Variants in UGT1A6 observed in about 807,000 individuals in gnomAD.
UGT1A6 encodes UDP glucuronosyltransferase family 1 member A6, also known as UDP-glucuronosyltransferase 1A6.
In UGT1A6, 32 loss-of-function variants were observed where a neutral mutation model predicts 44.4. That is an observed-to-expected ratio of 0.72 (90% confidence interval 0.54 to 0.97). UGT1A6 has a LOEUF of 0.97. UGT1A6 is among the 50% of genes least tolerant of loss of function. UGT1A6 has a pLI of 0.00. For missense variants in UGT1A6, 685 were observed against 661.9 expected, an observed-to-expected ratio of 1.03 and a Z score of -0.38; for synonymous variants, 238 against 248.5, an observed-to-expected ratio of 0.96 and a Z score of 0.40.
intron 1 of UGT1A6, chr2:233,760,219 C>A: frequency 6.3e-7 from 1 of 1,593,340 alleles, no homozygotes; most frequent in Non-Finnish European, 8.5e-7. Context: ...CTTGGTGTAT[C>A]GATTGGTTTT....
At chr2:233,740,833 TA>T (rs1691486291) in intron 1 of UGT1A6, 1 of 151,930 alleles carries the variant, frequency 6.6e-6, no homozygotes. Context: ...TGAGACATTT[TA>T]AAAGGAGATT....
At chr2:233,758,626 C>T (rs1184924928) in intron 1 of UGT1A6, among the ~76,000 whole-genome samples, 3 of 152,058 alleles carry the variant, frequency 2.0e-5, no homozygotes, top group Admixed American at 6.5e-5. Flanking sequence ...ATGCAAAGTA[C>T]CTACTCTAAG....
chr2:233,698,051 C>G (rs902797385), intron 1 of UGT1A6, among the ~76,000 whole-genome samples: 1 of 152,112 alleles, frequency 6.6e-6, no homozygotes, highest in Non-Finnish European at 1.5e-5. Context: ...AAGTTGTACT[C>G]AGTTATATTG....
chr2:233,738,483 T>C (rs1690800032), intron 1 of UGT1A6, among the ~76,000 whole-genome samples: 1 of 152,200 alleles, frequency 6.6e-6, no homozygotes, highest in African/African-American at 2.4e-5. Flanking sequence ...CCTGGAGACT[T>C]GTTGAACGGT....
rs374013247 is a variant in UGT1A6, at chr2:233,693,245, C to T, written c.241C>T (p.Pro81Ser). ...KYYTRKIYPV[P>S]YDQEELKNRY... ...CTACACAAGAAAAATCTATCCAGTG[C>T]CGTATGACCAAGAAGAGCTGAAGAA... The change falls in exon 1 of 5, where the codon CCG becomes TCG. Residue 81 changes from proline (P) to serine (S), a missense_variant. Coordinates refer to ENST00000305139, the MANE Select transcript of UGT1A6 (RefSeq NM_001072.4). 49 of 1,613,952 alleles carry T rather than the reference C, an allele frequency of 3.0e-5. 1 individual carries two copies. The highest frequency in any genetic ancestry group is 3.6e-5 in the Non-Finnish European group (42 of 1,180,016).
chr2:233,694,413 T>A (rs1229382859), intron 1 of UGT1A6, among the ~76,000 whole-genome samples: 1 of 152,034 alleles, frequency 6.6e-6, no homozygotes, highest in Non-Finnish European at 1.5e-5. Flanking sequence ...GCCACAGAAG[T>A]ATTTGGTCTG....
chr2:233,747,280 C>A, intron 1 of UGT1A6: 3 of 1,599,268 alleles, frequency 1.9e-6, no homozygotes, highest in Non-Finnish European at 2.6e-6. Flanking sequence ...TCTCAGTGCC[C>A]AGCCCTGGGC....
intron 1 of UGT1A6, chr2:233,743,914 C>G (rs201448352): frequency 1.5e-6 from 2 of 1,364,518 alleles, no homozygotes; most frequent in Non-Finnish European, 2.0e-6. Context: ...AGTAGTCCAC[C>G]ATGCTGGATG....
intron 1 of UGT1A6, among the ~76,000 whole-genome samples, chr2:233,731,443 A>T (rs1454416898): frequency 6.6e-6 from 1 of 151,114 alleles, no homozygotes; most frequent in Non-Finnish European, 1.5e-5. Context: ...CCAGTCCCCC[A>T]CCCCACAACA....
chr2:233,760,217 A>G, intron 1 of UGT1A6: 3 of 1,593,674 alleles, frequency 1.9e-6, no homozygotes, highest in Non-Finnish European at 2.6e-6. Context: ...AACTTGGTGT[A>G]TCGATTGGTT....
chr2:233,747,923 G>A (rs1349241680), intron 1 of UGT1A6: 2 of 1,613,414 alleles, frequency 1.2e-6, no homozygotes, highest in Non-Finnish European at 1.7e-6. Flanking sequence ...TTGCCTCTGA[G>A]CTTTTTCAGA....
intron 1 of UGT1A6, chr2:233,717,938 T>A (rs2076617026): frequency 8.8e-6 from 4 of 453,788 alleles, no homozygotes; most frequent in East Asian, 7.0e-5. Context: ...TCAGTCTCTA[T>A]GCAGACTTGC....
chr2:233,701,125 G>C (rs535015875), intron 1 of UGT1A6, among the ~76,000 whole-genome samples: 39 of 152,142 alleles, frequency 2.6e-4, no homozygotes, highest in Non-Finnish European at 5.1e-4. Context: ...ATCATTGAGG[G>C]ACATTTAGGT....
chr2:233,717,800 C>T, intron 1 of UGT1A6: 1 of 456,072 alleles, frequency 2.2e-6, no homozygotes, highest in Non-Finnish European at 4.4e-6. Flanking sequence ...AAGTAGTGCC[C>T]CCACAAATTA....
chr2:233,728,996 G>T, intron 1 of UGT1A6: 1 of 1,557,110 alleles, frequency 6.4e-7, no homozygotes, highest in East Asian at 2.3e-5. Context: ...TTAACTAGAG[G>T]AGGGCACTCT....
In UGT1A6 at chr2:233,693,210, A is replaced by G. The variant is rs751801719; in HGVS notation, c.206A>G (p.Glu69Gly). ...VVPEVNLLLK[E>G]SKYYTRKIYP... ...CCTGAAGTTAATTTGCTTTTGAAAG[A>G]ATCCAAATACTACACAAGAAAAATC... Residue 69 changes from glutamate to glycine, a missense_variant, in exon 1 of 5, where the codon GAA (glutamate) becomes GGA (glycine). Transcript: ENST00000305139. The G allele has an allele frequency of 3.1e-6, 5 of 1,614,206 alleles. No individual in the cohort carries two copies. Among genetic ancestry groups the G allele is most frequent in the Admixed American group, 3.3e-5 (2 of 60,028 alleles).
intron 1 of UGT1A6, chr2:233,719,562 C>A (rs1164668665): frequency 9.9e-6 from 16 of 1,613,782 alleles, no homozygotes; most frequent in African/African-American, 1.3e-5. Flanking sequence ...AGTGGTGGAT[C>A]TTGTCAGCTA....
chr2:233,706,890 G>A (rs563371230), intron 1 of UGT1A6, among the ~76,000 whole-genome samples: 1 of 152,282 alleles, frequency 6.6e-6, no homozygotes, highest in East Asian at 1.9e-4. Flanking sequence ...GCTCTGGTTG[G>A]AGGCATTTTA....
chr2:233,717,905 A>C (rs2076614960), intron 1 of UGT1A6: 1 of 454,688 alleles, frequency 2.2e-6, no homozygotes, highest in Non-Finnish European at 4.4e-6. Context: ...AGGATGAAAT[A>C]AAGGCCTGGA....
Sources: gnomAD v4.1 joint callset for allele counts (sites outside exome capture counted in the v4.1 genomes callset) on GRCh38, gnomAD v4.1.1 for gene constraint, MANE v1.5 for transcripts, NCBI Gene and HGNC (gene_info 2026-07-23, HGNC 2026-07-21) for gene names.